Variants in FBN1 observed in about 807,000 individuals in gnomAD.
FBN1 encodes fibrillin 1, also known as fibrillin-1.
FBN1 carries 29 observed loss-of-function variants against 365.1 expected under a neutral mutation model. The ratio of observed to expected loss-of-function variants is 0.08; its 90% CI spans 0.06 to 0.11. The LOEUF (loss-of-function observed/expected upper bound fraction) is 0.11. Among genes scored for constraint, FBN1 ranks in the 10% least tolerant of loss-of-function variants. FBN1 has a pLI of 1.00. For synonymous variants in FBN1, 1,210 were observed against 1,270.5 expected, an observed-to-expected ratio of 0.95 and a Z score of 1.01; for missense variants, 2,476 against 3,703.2, an observed-to-expected ratio of 0.67 and a Z score of 8.60.
intron 6 of FBN1, among the ~76,000 whole-genome samples, chr15:48,541,727 CTTT>C (rs61478233): frequency 2.2e-5 from 3 of 137,746 alleles, no homozygotes; most frequent in East Asian, 2.4e-4. Flanking sequence ...TTTACATACT[CTTT>C]TTTTTTTTTT....
At position 48,503,953 on chromosome 15, in the gene FBN1, A is replaced by G. The variant is rs373918202; in HGVS notation, c.1961-14T>C. 3.1e-5 allele frequency: 50 copies of G among 1,613,904 alleles called. No individual in the cohort carries two copies. Among genetic ancestry groups the G allele is most frequent in the Non-Finnish European group, 3.7e-5 (44 of 1,180,028 alleles). On this transcript the variant is annotated splice_polypyrimidine_tract_variant and intron_variant, in intron 16 of 65. Transcript: ENST00000316623. ...GCATGTGTGTGTCTAAACAGGAAGA[A>G]GCATCTGTCATCACACTGTCACTTC... is the stretch of plus-strand genomic sequence containing the variant.
intron 2 of FBN1, among the ~76,000 whole-genome samples, chr15:48,618,753 C>T (rs1889708627): frequency 6.6e-6 from 1 of 152,176 alleles, no homozygotes; most frequent in East Asian, 1.9e-4. Context: ...GCTCCCATCA[C>T]TCTCATTACC....
rs1566912665 is a variant in FBN1, at chr15:48,499,053, C to G, written c.2114-15G>C. On this transcript the variant is annotated splice_polypyrimidine_tract_variant and intron_variant, in intron 17 of 65. Transcript: ENST00000316623. ...CTGATATTCCGCTGCAATAAATTAACAGATAGTAAATGATTCCCTTGTTTG... is the reference window on the plus strand; with the variant it reads ...CTGATATTCCGCTGCAATAAATTAAGAGATAGTAAATGATTCCCTTGTTTG... 1 of 1,613,796 alleles carries G rather than the reference C, an allele frequency of 6.2e-7. No individual in the cohort carries two copies. Among genetic ancestry groups the G allele is most frequent in the Non-Finnish European group, 8.5e-7 (1 of 1,179,674 alleles).
chr15:48,555,283 C>A (rs1245848047), intron 6 of FBN1, among the ~76,000 whole-genome samples: 3 of 152,144 alleles, frequency 2.0e-5, no homozygotes, highest in Admixed American at 2.0e-4. Context: ...AACCCCCTTT[C>A]GCCCAGCATG....
intron 20 of FBN1, 114 bp from the exon 21 acceptor site, chr15:48,495,702 G>T: frequency 7.3e-7 from 1 of 1,364,136 alleles, no homozygotes; most frequent in Non-Finnish European, 1.0e-6. Context: ...CAGTAAAGCT[G>T]GGCTAAATAG....
intron 13 of FBN1, among the ~76,000 whole-genome samples, chr15:48,510,891 A>T (rs2043753752): frequency 6.6e-6 from 1 of 152,216 alleles, no homozygotes; most frequent in South Asian, 2.1e-4. Flanking sequence ...CAATCTACCC[A>T]AAGTGGATAG....
intron 55 of FBN1, 119 bp downstream of exon 55, chr15:48,432,747 G>A: frequency 7.5e-7 from 1 of 1,339,992 alleles, no homozygotes; most frequent in East Asian, 2.3e-5. Context: ...CCCCCGTATT[G>A]TCCACGGACT....
At chr15:48,521,822 C>T (rs916265805) in intron 9 of FBN1, among the ~76,000 whole-genome samples, 1 of 152,188 alleles carries the variant, frequency 6.6e-6, no homozygotes, top group African/African-American at 2.4e-5. Flanking sequence ...TTTTGAAAAG[C>T]AAATAATATC....
chr15:48,448,058 G>A lies in FBN1; in HGVS notation c.5671+710C>T, dbSNP rs189189583. Among the ~76,000 whole-genome samples the A allele has an allele frequency of 5.6e-4, 85 of 152,202 alleles. 1 individual carries two copies. The East Asian group carries it at 0.01, about 18-fold the overall frequency. ...TGTCAGTGCTCTTGTCATTACTCTGGAGAAGATACAACTTTATGAGAAATG... is the reference window on the plus strand; with the variant it reads ...TGTCAGTGCTCTTGTCATTACTCTGAAGAAGATACAACTTTATGAGAAATG... On this transcript the variant is annotated intron_variant, in intron 46 of 65. Transcript: ENST00000316623.
intron 10 of FBN1, 85 bp from the exon 11 acceptor site, chr15:48,516,447 A>G (rs906458052): frequency 7.2e-7 from 1 of 1,395,992 alleles, no homozygotes; most frequent in African/African-American, 1.4e-5. Context: ...TATTTTTTTA[A>G]AGATATTTTT....
In FBN1 at chr15:48,463,157, T is replaced by C; in HGVS notation, c.5149A>G (p.Lys1717Glu). 6.2e-7 allele frequency: 1 copy of C among 1,614,168 alleles called. No individual in the cohort carries two copies. Among genetic ancestry groups the C allele is most frequent in the South Asian group, 1.1e-5 (1 of 91,086 alleles). Residue 1717 changes from lysine (K) to glutamate (E), a missense_variant, in exon 42 of 66, where the codon AAG becomes GAG. Around this residue, in one of 5 missense-constraint regions of FBN1, gnomAD observed 1,780 missense variants for 2,840.8 expected, o/e 0.63. Transcript: ENST00000316623. ...DGELLFNMTK[K>E]MCCCSYNIGR... ...ATGTTGTAGGAACAGCAGCACATCT[T>C]CTTGGTCATGTTGAATAACAATTCT...
At chr15:48,596,598 G>C (rs1313964261) in intron 5 of FBN1, among the ~76,000 whole-genome samples, 4 of 152,186 alleles carry the variant, frequency 2.6e-5, no homozygotes, top group Admixed American at 2.6e-4. Context: ...TAATGCTGAT[G>C]GTCTCATTCC....
chr15:48,564,792 C>T (rs1447282265), intron 6 of FBN1, among the ~76,000 whole-genome samples: 1 of 152,106 alleles, frequency 6.6e-6, no homozygotes, highest in Non-Finnish European at 1.5e-5. Flanking sequence ...AAGGATGCCA[C>T]GTGGAAGAAT....
At position 48,450,132 on chromosome 15, in the gene FBN1, G is replaced by A. The variant is rs1012392237; in HGVS notation, c.5546-1239C>T. Among the ~76,000 whole-genome samples, 2 of 152,194 alleles carry A rather than the reference G, an allele frequency of 1.3e-5. 1 individual carries two copies. The highest frequency in any genetic ancestry group is 4.8e-5 in the African/African-American group (2 of 41,446). ...CCTTTTGAGAAAATGAATTTAAAGT[G>A]AGCCAACTGCTTCCCAGTATAGGCA... On this transcript the variant is annotated intron_variant, in intron 45 of 65. Coordinates refer to ENST00000316623, the MANE Select transcript of FBN1 (RefSeq NM_000138.5).
chr15:48,417,729 T>G (rs2042913524), intron 63 of FBN1, among the ~76,000 whole-genome samples: 1 of 152,192 alleles, frequency 6.6e-6, no homozygotes, highest in Admixed American at 6.5e-5. Flanking sequence ...GAGGACGAAG[T>G]GTGCAATAGA....
chr15:48,470,484 A>G, intron 36 of FBN1, 150 bp downstream of exon 36: 1 of 1,027,904 alleles, frequency 9.7e-7, no homozygotes, highest in East Asian at 2.5e-5. Context: ...AATCAGTTCC[A>G]GGTCTGAGAA....
At chr15:48,482,299 T>C (rs1023385158) in intron 31 of FBN1, among the ~76,000 whole-genome samples, 1 of 152,140 alleles carries the variant, frequency 6.6e-6, no homozygotes, top group African/African-American at 2.4e-5. Flanking sequence ...AGAAGATAAA[T>C]GTGATAAAAA....
chr15:48,495,981 T>A lies in FBN1; in HGVS notation c.2419+119A>T, dbSNP rs1361436732. 5.3e-6 allele frequency: 7 copies of A among 1,329,568 alleles called. No homozygotes were observed. The African/African-American group carries it at 5.8e-5, about 11-fold the overall frequency. The allele number at this position is 1,329,568 out of a possible 1,614,324, so 82.4% of individuals were successfully genotyped here. On this transcript the variant is annotated intron_variant, in intron 20 of 65. Coordinates refer to ENST00000316623, the MANE Select transcript of FBN1 (RefSeq NM_000138.5). ...CTAGTGCCATGTAGAACCACAGAATTTCAACTAAACTGGCATAACTGTCTA... is the reference window on the plus strand; with the variant it reads ...CTAGTGCCATGTAGAACCACAGAATATCAACTAAACTGGCATAACTGTCTA...
chr15:48,585,847 T>A (rs1210717122), intron 6 of FBN1, among the ~76,000 whole-genome samples: 1 of 152,292 alleles, frequency 6.6e-6, no homozygotes, highest in South Asian at 2.1e-4. Context: ...ATAATACCTA[T>A]ATAATTATTT....
Sources: gnomAD v4.1 joint callset for allele counts (sites outside exome capture counted in the v4.1 genomes callset) on GRCh38, gnomAD v4.1.1 for gene constraint, gnomAD v4.1.1 regional missense constraint, MANE v1.5 for transcripts, NCBI Gene and HGNC (gene_info 2026-07-23, HGNC 2026-07-21) for gene names.